The following NR2F1-AS1 variants were observed in gnomAD, a reference collection of about 807,000 sequenced individuals.
The protein encoded by NR2F1-AS1 is NR2F1 regulatory antisense RNA 1.
At chr5:93,444,982 A>G (rs1334342075) in intron 4 of NR2F1-AS1, among the ~76,000 whole-genome samples, 1 of 152,212 alleles carries the variant, frequency 6.6e-6, no homozygotes, top group African/African-American at 2.4e-5. Context: ...GGCAGAAATA[A>G]AGATGTTCTT....
intron 4 of NR2F1-AS1, among the ~76,000 whole-genome samples, chr5:93,515,613 T>C (rs1751385608): frequency 6.6e-6 from 1 of 151,932 alleles, no homozygotes; most frequent in African/African-American, 2.4e-5. Context: ...ACATCTAGCA[T>C]AGTGTCTGGC....
At chr5:93,577,349 T>C (rs1201358162) in intron 1 of NR2F1-AS1, among the ~76,000 whole-genome samples, 1 of 152,252 alleles carries the variant, frequency 6.6e-6, no homozygotes, top group African/African-American at 2.4e-5. Flanking sequence ...AGAGCGATAG[T>C]AAACCCTGGA....
intron 2 of NR2F1-AS1, among the ~76,000 whole-genome samples, chr5:93,557,809 T>C (rs1041335528): frequency 1.3e-5 from 2 of 152,232 alleles, no homozygotes; most frequent in African/African-American, 2.4e-5. Context: ...ATAGCATTTT[T>C]ACCCACAGTA....
At chr5:93,569,286 C>T (rs1277181904) in intron 1 of NR2F1-AS1, among the ~76,000 whole-genome samples, 1 of 152,150 alleles carries the variant, frequency 6.6e-6, no homozygotes, top group Non-Finnish European at 1.5e-5. Flanking sequence ...CCAAGAGAGG[C>T]TTTAAGGGCT....
At chr5:93,444,719 C>T (rs867180465) in intron 4 of NR2F1-AS1, among the ~76,000 whole-genome samples, 4 of 152,196 alleles carry the variant, frequency 2.6e-5, no homozygotes, top group Admixed American at 2.6e-4. Context: ...ATCTACAGAA[C>T]TCTCCACCCC....
At chr5:93,582,720 G>T (rs1201889110), upstream of NR2F1-AS1, among the ~76,000 whole-genome samples, 1 of 152,018 alleles carries the variant, frequency 6.6e-6, no homozygotes, top group Non-Finnish European at 1.5e-5. Flanking sequence ...TTTGCCCATC[G>T]CTAGGCGTTC....
chr5:93,481,222 T>C (rs1331815692), intron 4 of NR2F1-AS1, among the ~76,000 whole-genome samples: 1 of 152,006 alleles, frequency 6.6e-6, no homozygotes, highest in African/African-American at 2.4e-5. Flanking sequence ...CTGGCTATAC[T>C]GATATCAGGA....
intron 1 of NR2F1-AS1, among the ~76,000 whole-genome samples, chr5:93,567,108 G>A (rs1159872933): frequency 3.3e-5 from 5 of 151,824 alleles, no homozygotes; most frequent in Non-Finnish European, 1.5e-5. Flanking sequence ...AAAATTCTTT[G>A]GGCAAAAGAG....
intron 1 of NR2F1-AS1, among the ~76,000 whole-genome samples, chr5:93,577,430 A>G (rs997138300): frequency 1.3e-5 from 2 of 152,200 alleles, no homozygotes; most frequent in Admixed American, 6.5e-5. Flanking sequence ...CCTGACTCCT[A>G]ACTTGGCCTA....
chr5:93,529,455 C>A (rs964745819), intron 4 of NR2F1-AS1, among the ~76,000 whole-genome samples: 7 of 151,960 alleles, frequency 4.6e-5, no homozygotes, highest in African/African-American at 1.7e-4. Flanking sequence ...GAAATTTGAC[C>A]AAAAAATTAA....
chr5:93,421,713 C>T (rs956173348), intron 4 of NR2F1-AS1, among the ~76,000 whole-genome samples: 1 of 152,292 alleles, frequency 6.6e-6, no homozygotes, highest in East Asian at 1.9e-4. Context: ...CCCCCAGGGC[C>T]GCTCCATTGT....
chr5:93,572,827 C>G (rs573501258), intron 1 of NR2F1-AS1, among the ~76,000 whole-genome samples: 1 of 152,350 alleles, frequency 6.6e-6, no homozygotes, highest in East Asian at 1.9e-4. Context: ...ATTAAGAGCT[C>G]AAATGAGCTG....
intron 4 of NR2F1-AS1, among the ~76,000 whole-genome samples, chr5:93,418,588 A>AAAATAAATAAATAAATAAATAAAT (rs56873600): frequency 3.3e-5 from 5 of 149,408 alleles, no homozygotes; most frequent in African/African-American, 1.3e-4. Flanking sequence ...CCGTCTCATA[A>AAAATAAATAAATAAATAAATAAAT]AAATAAATAA....
intron 4 of NR2F1-AS1, among the ~76,000 whole-genome samples, chr5:93,417,726 A>G (rs1416930417): frequency 2.6e-5 from 4 of 152,214 alleles, no homozygotes; most frequent in Non-Finnish European, 4.4e-5. Context: ...TTCGCTACTC[A>G]TGCTGCACTT....
At chr5:93,585,003 G>A, upstream of NR2F1-AS1, 1 of 990,508 alleles carries the variant, frequency 1.0e-6, no homozygotes, top group Non-Finnish European at 1.2e-6. Flanking sequence ...GCTCCCCCCA[G>A]CGCTCCCCGG....
intron 4 of NR2F1-AS1, among the ~76,000 whole-genome samples, chr5:93,506,588 T>C (rs1463777719): frequency 6.6e-6 from 1 of 152,164 alleles, no homozygotes. Context: ...ATTTCTTACA[T>C]GGCAGCAGCA....
At chr5:93,548,446 T>C (rs1286596781) in intron 4 of NR2F1-AS1, among the ~76,000 whole-genome samples, 1 of 152,218 alleles carries the variant, frequency 6.6e-6, no homozygotes, top group Non-Finnish European at 1.5e-5. Flanking sequence ...TGTCCAGCTA[T>C]GTCAAAACGT....
intron 4 of NR2F1-AS1, among the ~76,000 whole-genome samples, chr5:93,444,993 T>A (rs75788760): frequency 6.6e-6 from 1 of 152,176 alleles, no homozygotes; most frequent in Non-Finnish European, 1.5e-5. Flanking sequence ...AGATGTTCTT[T>A]GAAACCAATA....
intron 4 of NR2F1-AS1, among the ~76,000 whole-genome samples, chr5:93,474,615 C>T (rs1373287045): frequency 1.3e-5 from 2 of 152,106 alleles, no homozygotes; most frequent in Non-Finnish European, 2.9e-5. Context: ...TCTACTTATT[C>T]GTTGTCTTCA....
Sources: gnomAD v4.1 joint callset for allele counts (sites outside exome capture counted in the v4.1 genomes callset) on GRCh38, gnomAD v4.1.1 for gene constraint, MANE v1.5 for transcripts, NCBI Gene and HGNC (gene_info 2026-07-23, HGNC 2026-07-21) for gene names.